The following SORCS1 variants were observed in gnomAD, a reference collection of about 807,000 sequenced individuals.
The protein encoded by SORCS1 is VPS10 domain-containing receptor SorCS1.
SORCS1 carries 60 observed loss-of-function variants against 146.1 expected under a neutral mutation model. That is an observed-to-expected ratio of 0.41 (90% confidence interval 0.33 to 0.51). The LOEUF is 0.51. Among genes scored for constraint, SORCS1 ranks in the 20% least tolerant of loss-of-function variants. The pLI, the probability that SORCS1 is intolerant of heterozygous loss-of-function variation, is 0.21. For synonymous variants in SORCS1, 637 were observed against 584.0 expected, an observed-to-expected ratio of 1.09 and a Z score of -1.31; for missense variants, 1,352 against 1,487.6, an observed-to-expected ratio of 0.91 and a Z score of 1.50.
intron 1 of SORCS1, among the ~76,000 whole-genome samples, chr10:107,027,628 G>C (rs1958468146): frequency 6.6e-6 from 1 of 152,156 alleles, no homozygotes; most frequent in Admixed American, 6.5e-5. Context: ...CTCAAGGACA[G>C]CCATGGAAAA....
At chr10:106,786,851 C>A (rs1320793206) in intron 3 of SORCS1, among the ~76,000 whole-genome samples, 1 of 152,118 alleles carries the variant, frequency 6.6e-6, no homozygotes, top group Non-Finnish European at 1.5e-5. Context: ...ATATAGATAT[C>A]TTGAAGTTGC....
At chr10:106,806,676 C>T (rs1445944879) in intron 3 of SORCS1, among the ~76,000 whole-genome samples, 3 of 151,288 alleles carry the variant, frequency 2.0e-5, no homozygotes, top group African/African-American at 7.3e-5. Context: ...CCACCTCGCC[C>T]AGCTAATTTT....
At chr10:107,066,818 C>A (rs919981823) in intron 1 of SORCS1, among the ~76,000 whole-genome samples, 1 of 152,132 alleles carries the variant, frequency 6.6e-6, no homozygotes, top group Non-Finnish European at 1.5e-5. Flanking sequence ...GGAGAATTGA[C>A]ACTGTTGACT....
intron 5 of SORCS1, among the ~76,000 whole-genome samples, 168 bp from the exon 6 acceptor site, chr10:106,730,282 C>T (rs964583709): frequency 2.0e-5 from 3 of 152,160 alleles, no homozygotes; most frequent in African/African-American, 7.2e-5. Flanking sequence ...GTAAAATTTC[C>T]ACTTAAAATA....
chr10:106,794,016 G>A (rs1489448970), intron 3 of SORCS1, among the ~76,000 whole-genome samples: 1 of 152,192 alleles, frequency 6.6e-6, no homozygotes, highest in African/African-American at 2.4e-5. Flanking sequence ...GATTTCAGTG[G>A]CAGACCTTTT....
intron 1 of SORCS1, among the ~76,000 whole-genome samples, chr10:107,094,127 A>G (rs1964394151): frequency 6.6e-6 from 1 of 152,182 alleles, no homozygotes; most frequent in South Asian, 2.1e-4. Context: ...ATATTTCACT[A>G]ATGTATATAT....
chr10:106,836,069 G>A (rs1398776595), intron 2 of SORCS1, among the ~76,000 whole-genome samples: 1 of 151,786 alleles, frequency 6.6e-6, no homozygotes, highest in Non-Finnish European at 1.5e-5. Flanking sequence ...TACATACAAT[G>A]TTATCTGAGC....
chr10:107,164,854 C>T (rs931185936), upstream of SORCS1, among the ~76,000 whole-genome samples: 40 of 145,658 alleles, frequency 2.7e-4, no homozygotes, highest in African/African-American at 8.9e-4. The surrounding 1 kb of genome is among the most constrained non-coding windows in gnomAD (Gnocchi z 6.8). Flanking sequence ...GTCCCGCGGC[C>T]GAGCTGCGCT....
At chr10:107,074,155 A>T (rs928021739) in intron 1 of SORCS1, among the ~76,000 whole-genome samples, 1 of 152,196 alleles carries the variant, frequency 6.6e-6, no homozygotes, top group Non-Finnish European at 1.5e-5. Flanking sequence ...CATACGAAGT[A>T]GTTTCAGTGC....
Position 107,164,395 on chromosome 10 carries a change from G to T in SORCS1, c.132C>A (p.Ser44Arg), listed in dbSNP as rs1386485299. ...GGGTCGAGGCCGAGCGTGGAGCGGA[G>T]CTGGGGTGCGGCGAGGGGCAGCAGG... ...GGSCCPSPHPSSAPRSASTPR... is the reference protein window; with the variant it reads ...GGSCCPSPHPRSAPRSASTPR... The change falls in exon 1 of 26, where the codon AGC becomes AGA. Residue 44 changes from serine to arginine, a missense_variant. Ser to Arg is a moderately radical substitution (Grantham distance 110). Transcript: ENST00000263054. This position sits in a 1 kb window ranked among gnomAD's most constrained non-coding sequence, Gnocchi z 6.8. 4.2e-6 allele frequency: 6 copies of T among 1,437,470 alleles called. No homozygotes were observed. The highest frequency in any genetic ancestry group is 2.3e-4 in the Middle Eastern group (1 of 4,276). The allele number at this position is 1,437,470 out of a possible 1,614,324, so 89.0% of individuals were successfully genotyped here. A position where few individuals can be genotyped will look rare whatever the true frequency, so the allele number is the denominator to read the frequency against.
intron 1 of SORCS1, among the ~76,000 whole-genome samples, chr10:107,036,212 AT>A (rs56955843): frequency 0.34 from 51,332 of 151,546 alleles, 8,793 homozygotes; most frequent in Middle Eastern, 0.42. Flanking sequence ...GCAATAAAAA[AT>A]AATATGAATA....
chr10:107,044,535 AAAAG>A (rs1298049707), intron 1 of SORCS1, among the ~76,000 whole-genome samples: 9 of 149,836 alleles, frequency 6.0e-5, no homozygotes, highest in African/African-American at 2.2e-4. Context: ...AAAAAAAAAA[AAAAG>A]TTGGCAGGGC....
intron 18 of SORCS1, among the ~76,000 whole-genome samples, chr10:106,642,688 T>C (rs1219961892): frequency 6.6e-6 from 1 of 152,170 alleles, no homozygotes; most frequent in Non-Finnish European, 1.5e-5. Flanking sequence ...ATTCCTTGGG[T>C]GCTGCATTCA....
In SORCS1 at chr10:106,743,223, A is replaced by G. The variant is rs188252450; in HGVS notation, c.960-13109T>C. Among the ~76,000 whole-genome samples the G allele has an allele frequency of 2.6e-5, 4 of 151,988 alleles. No homozygotes were observed. The East Asian group carries it at 5.8e-4, about 22-fold the overall frequency. ...AACATGGGAAAGAGAGGATAGGAGA[A>G]TGAGAAGGGCAAATGAAGGCATTGG... On this transcript the variant is annotated intron_variant, in intron 5 of 25. Transcript: ENST00000263054.
chr10:106,711,716 C>T (rs1855004893), intron 6 of SORCS1, among the ~76,000 whole-genome samples: 1 of 152,180 alleles, frequency 6.6e-6, no homozygotes, highest in African/African-American at 2.4e-5. Context: ...CTCTATTCTT[C>T]CTTCCTCATC....
At chr10:107,178,018 G>A in the SORCS1 span, among the ~76,000 whole-genome samples, 2 of 152,074 alleles carry the variant, frequency 1.3e-5, no homozygotes, top group Admixed American at 6.6e-5. Flanking sequence ...GGGGGTGGGA[G>A]GAAGGAGAGC....
chr10:106,593,732 C>T (rs957250415), intron 24 of SORCS1, among the ~76,000 whole-genome samples: 1 of 152,220 alleles, frequency 6.6e-6, no homozygotes, highest in Admixed American at 6.5e-5. Context: ...AATTTTCTCA[C>T]TCTCTCCAAA....
chr10:106,880,860 G>A (rs904409504), intron 2 of SORCS1, among the ~76,000 whole-genome samples: 11 of 151,830 alleles, frequency 7.2e-5, no homozygotes, highest in East Asian at 1.9e-4. Flanking sequence ...AGGCCGAGGC[G>A]GGCGGATCAC....
At chr10:106,622,372 G>C (rs1847810702) in intron 19 of SORCS1, among the ~76,000 whole-genome samples, 1 of 145,024 alleles carries the variant, frequency 6.9e-6, no homozygotes, top group African/African-American at 2.5e-5. Context: ...TTTAAAATTT[G>C]TGAGACAGAA....
Sources: allele counts gnomAD v4.1 joint callset (sites outside exome capture counted in the v4.1 genomes callset), GRCh38; gene constraint gnomAD v4.1.1; non-coding constraint Gnocchi (gnomAD v3.1); transcripts MANE v1.5; gene names NCBI Gene and HGNC (gene_info 2026-07-23, HGNC 2026-07-21).